PTPRC: variants seen among roughly 807,000 people sequenced by gnomAD.
PTPRC encodes receptor-type tyrosine-protein phosphatase C.
Under a neutral mutation model 155.9 loss-of-function variants are expected in PTPRC, and 44 were observed. The ratio of observed to expected loss-of-function variants is 0.28; its 90% CI spans 0.22 to 0.36. The LOEUF is 0.36. Ranked by LOEUF, PTPRC falls within the 10% of genes least tolerant of loss-of-function variation. The pLI is 1.00. For missense variants in PTPRC, 1,401 were observed against 1,564.6 expected (o/e 0.90, Z 1.76); for synonymous variants, 525 against 533.1 (o/e 0.98, Z 0.21).
rs368078998 is a variant in PTPRC at position 198,712,328 on chromosome 1, T to C, written c.1172-625T>C. ...AACAGAAAGTTGATCAGAAGGTACG[T>C]GAGTCTGGTCAAAGGAGCTGAGTTG... On this transcript the variant is annotated intron_variant, in intron 11 of 32. Coordinates refer to ENST00000442510, the MANE Select transcript of PTPRC (RefSeq NM_002838.5). 5.6e-4 allele frequency among the ~76,000 whole-genome samples: 85 copies of C among 152,258 alleles called. 1 individual carries two copies. In the South Asian group the frequency reaches 0.016, roughly 28 times the overall value.
chr1:198,749,778 A>AT (rs767338918), intron 28 of PTPRC, among the ~76,000 whole-genome samples: 1 of 151,890 alleles, frequency 6.6e-6, no homozygotes, highest in Admixed American at 6.6e-5. Context: ...TATTGGTTAT[A>AT]TTTTATGACA....
intron 3 of PTPRC, chr1:198,694,134 C>T: frequency 6.5e-7 from 1 of 1,539,700 alleles, no homozygotes; most frequent in Non-Finnish European, 8.8e-7. Context: ...CCTCACAAAC[C>T]ACTGGAGTAA....
intron 2 of PTPRC, among the ~76,000 whole-genome samples, chr1:198,689,101 A>C (rs947583027): frequency 4.6e-5 from 7 of 152,214 alleles, no homozygotes; most frequent in Admixed American, 4.6e-4. Context: ...AAATCATTAG[A>C]AACAGTCTTC....
At chr1:198,729,243 T>C in intron 17 of PTPRC, 72 bp downstream of exon 17, 1 of 1,410,996 alleles carries the variant, frequency 7.1e-7, no homozygotes, top group Non-Finnish European at 9.4e-7. Flanking sequence ...ATTTATTTAT[T>C]TATTTATATT....
chr1:198,755,517 G>A (rs1169795514), intron 32 of PTPRC, among the ~76,000 whole-genome samples: 1 of 151,988 alleles, frequency 6.6e-6, no homozygotes, highest in African/African-American at 2.4e-5. Flanking sequence ...ACATGAATGA[G>A]GGCATTTAAT....
At chr1:198,690,630 G>A (rs925207872) in intron 2 of PTPRC, among the ~76,000 whole-genome samples, 1 of 151,996 alleles carries the variant, frequency 6.6e-6, no homozygotes, top group Non-Finnish European at 1.5e-5. Context: ...AGAATACGGG[G>A]TGATGCTCCT....
intron 2 of PTPRC, among the ~76,000 whole-genome samples, chr1:198,652,722 C>T (rs749755537): frequency 6.6e-6 from 1 of 151,592 alleles, no homozygotes; most frequent in African/African-American, 2.4e-5. Flanking sequence ...ACCCAGGAGT[C>T]CATCCAGAGG....
chr1:198,688,731 C>G (rs1665768171), intron 2 of PTPRC, among the ~76,000 whole-genome samples: 1 of 152,190 alleles, frequency 6.6e-6, no homozygotes, highest in Admixed American at 6.5e-5. Context: ...TGCATTTTTA[C>G]TTAGCTCATG....
At chr1:198,638,775 G>C (rs1026577661), upstream of PTPRC, 11 of 156,616 alleles carry the variant, frequency 7.0e-5, no homozygotes, top group Admixed American at 3.7e-4. Flanking sequence ...GAATCTGTTT[G>C]TCATCTCTTA....
chr1:198,679,044 C>T (rs767073401), intron 2 of PTPRC: 14 of 172,612 alleles, frequency 8.1e-5, no homozygotes, highest in Non-Finnish European at 1.5e-4. Context: ...AAAGGGGAGC[C>T]GGAAGAGGAG....
chr1:198,743,473 C>T (rs1023118017), intron 25 of PTPRC, among the ~76,000 whole-genome samples: 5 of 151,552 alleles, frequency 3.3e-5, no homozygotes, highest in Admixed American at 2.6e-4. Context: ...CTAAAGGTGG[C>T]GGTTAAAGAG....
chr1:198,689,977 T>C (rs985134738), intron 2 of PTPRC, among the ~76,000 whole-genome samples: 1 of 152,144 alleles, frequency 6.6e-6, no homozygotes, highest in African/African-American at 2.4e-5. Flanking sequence ...TCCAACAGCA[T>C]ACCAGCAAAA....
At chr1:198,711,005 C>T (rs1653271149) in intron 11 of PTPRC, among the ~76,000 whole-genome samples, 1 of 152,114 alleles carries the variant, frequency 6.6e-6, no homozygotes, top group South Asian at 2.1e-4. Flanking sequence ...CAGGTGCGTG[C>T]CACCACGCCC....
Position 198,749,476 on chromosome 1 carries a change from A to G in PTPRC, c.2999A>G (p.Asp1000Gly). The G allele has an allele frequency of 6.2e-7, 1 of 1,608,716 alleles. No homozygotes were observed. Among genetic ancestry groups the G allele is most frequent in the South Asian group, 1.1e-5 (1 of 90,992 alleles). ...ELEMSKESEH[D>G]SDESSDDDSD... ...GAAATGAGTAAAGAGAGTGAGCATG[A>G]TTCAGATGAATCCTCTGATGATGAC... is the stretch of plus-strand genomic sequence containing the variant. Residue 1000 changes from aspartate (D) to glycine (G), a missense_variant, in exon 28 of 33, where the codon GAT (aspartate) becomes GGT (glycine). Physicochemically the swap from Asp to Gly is moderately conservative, Grantham distance 94. Coordinates refer to ENST00000442510, the MANE Select transcript of PTPRC (RefSeq NM_002838.5).
intron 25 of PTPRC, 31 bp downstream of exon 25, chr1:198,742,398 CT>C: frequency 6.2e-7 from 1 of 1,610,618 alleles, no homozygotes; most frequent in Non-Finnish European, 8.5e-7. Flanking sequence ...ATTATTCTCA[CT>C]TTGGTTTTTT....
chr1:198,658,988 C>T (rs1663772431), intron 2 of PTPRC, among the ~76,000 whole-genome samples: 1 of 152,008 alleles, frequency 6.6e-6, no homozygotes, highest in African/African-American at 2.4e-5. Context: ...TGGCGTTCTG[C>T]TAAGGAAAAG....
chr1:198,711,134 A>G (rs1653289039), intron 11 of PTPRC, among the ~76,000 whole-genome samples: 1 of 152,148 alleles, frequency 6.6e-6, no homozygotes, highest in Non-Finnish European at 1.5e-5. Context: ...CGTGATTCTA[A>G]GTTTTATGTA....
chr1:198,725,719 GT>G (rs1209031952), intron 15 of PTPRC, among the ~76,000 whole-genome samples: 1 of 151,918 alleles, frequency 6.6e-6, no homozygotes, highest in Non-Finnish European at 1.5e-5. Flanking sequence ...TTTTGTTATT[GT>G]TGTTGTTGTT....
chr1:198,662,430 G>A (rs1664019317), intron 2 of PTPRC, among the ~76,000 whole-genome samples: 1 of 145,678 alleles, frequency 6.9e-6, no homozygotes, highest in African/African-American at 2.5e-5. Flanking sequence ...TTTTGGCTGG[G>A]AATTTTCTGA....
Sources: allele counts gnomAD v4.1 joint callset (sites outside exome capture counted in the v4.1 genomes callset), GRCh38; gene constraint gnomAD v4.1.1; transcripts MANE v1.5; gene names NCBI Gene and HGNC (gene_info 2026-07-23, HGNC 2026-07-21).